DNM1: variants seen among roughly 807,000 people sequenced by gnomAD.
DNM1 encodes dynamin-1.
A neutral mutation model predicts 104.6 loss-of-function variants in DNM1; 29 were observed. That is an observed-to-expected ratio of 0.28 (90% CI 0.21 to 0.38). The LOEUF is 0.38. Ranked by LOEUF, DNM1 falls within the 10% of genes least tolerant of loss-of-function variation. The pLI, the probability that DNM1 is intolerant of heterozygous loss-of-function variation, is 1.00. For synonymous variants in DNM1, 445 were observed against 475.8 expected (o/e 0.94, Z 0.84); for missense variants, 640 against 1,189.4 (o/e 0.54, Z 6.79).
chr9:128,252,493 A>G (rs1829589355), intron 21 of DNM1: 2 of 399,510 alleles, frequency 5.0e-6, no homozygotes, highest in African/African-American at 4.1e-5. Context: ...CAAGAGCTGC[A>G]GTGTGGGCAG....
intron 13 of DNM1, 81 bp from the exon 14 acceptor site, chr9:128,239,904 C>G: frequency 6.3e-7 from 1 of 1,592,742 alleles, no homozygotes; most frequent in Non-Finnish European, 8.6e-7. Context: ...CTGCCAGCCA[C>G]AAGCCTCCCA....
rs1034869470 is a variant in DNM1 at position 128,203,856 on chromosome 9, A to G, written c.161+225A>G. Among the ~76,000 whole-genome samples, 1 of 147,708 alleles carries G rather than the reference A, an allele frequency of 6.8e-6. No homozygotes were observed. The highest frequency in any genetic ancestry group is 2.5e-5 in the African/African-American group (1 of 39,968). On this transcript the variant is annotated intron_variant, in intron 1 of 21. Transcript: ENST00000372923. This position sits in a 1 kb window ranked among gnomAD's most constrained non-coding sequence, Gnocchi z 5.3. Reference sequence around the variant, plus strand: ...TGCAAACGTCGTCAAGCCTCCGGCTACCGAATCACGCCCCCTCCTCCGTCC... The same window carrying G: ...TGCAAACGTCGTCAAGCCTCCGGCTGCCGAATCACGCCCCCTCCTCCGTCC...
Position 128,247,450 on chromosome 9 carries a change from C to T in DNM1, c.1857C>T (p.Ser619=). Residue 619 remains serine, a synonymous_variant, in exon 17 of 22, where the codon TCC becomes TCT. Coordinates refer to ENST00000372923, the MANE Select transcript of DNM1 (RefSeq NM_004408.4). The surrounding 1 kb of genome is among the most constrained non-coding windows in gnomAD (Gnocchi z 5.1). The part of the protein sequence containing the change: ...TQEEVDSWKA[S]FLRAGVYPER... The stretch of plus-strand genomic sequence containing the variant: ...AGGAGGTGGACAGCTGGAAGGCCTC[C>T]TTCCTGAGGGCTGGCGTGTACCCTG... 6.2e-7 allele frequency: 1 copy of T among 1,613,728 alleles called. No homozygotes were observed. Among genetic ancestry groups the T allele is most frequent in the Non-Finnish European group, 8.5e-7 (1 of 1,179,734 alleles).
In DNM1 at chr9:128,245,349, G is replaced by A. The variant is rs914160879; in HGVS notation, c.1672-1045G>A. 6.6e-6 allele frequency among the ~76,000 whole-genome samples: 1 copy of A among 151,952 alleles called. No individual in the cohort carries two copies. On this transcript the variant is annotated intron_variant, in intron 15 of 21. Coordinates refer to ENST00000372923, the MANE Select transcript of DNM1 (RefSeq NM_004408.4). This position sits in a 1 kb window ranked among gnomAD's most constrained non-coding sequence, Gnocchi z 5.2. ...ACCCAGCCCCCCACCTGAGATCCTA[G>A]GCAAGGCTCATGCCCAACCTCTTTG...
At chr9:128,213,539 A>T (rs1316411471) in intron 1 of DNM1, among the ~76,000 whole-genome samples, 2 of 152,160 alleles carry the variant, frequency 1.3e-5, no homozygotes, top group Admixed American at 1.3e-4. Flanking sequence ...AGAAGATAAG[A>T]AATAAGGGAA....
chr9:128,207,248 C>A (rs1310109276), intron 1 of DNM1, among the ~76,000 whole-genome samples: 2 of 152,038 alleles, frequency 1.3e-5, no homozygotes, highest in South Asian at 2.1e-4. Flanking sequence ...TGTCAGCTGG[C>A]AGTTTGGTGA....
intron 1 of DNM1, among the ~76,000 whole-genome samples, chr9:128,208,120 C>T (rs1272952642): frequency 2.0e-5 from 3 of 151,390 alleles, no homozygotes; most frequent in African/African-American, 4.9e-5. Context: ...AATGCAATGG[C>T]GCGATCTCAG....
At position 128,254,414 on chromosome 9, in the gene DNM1, G is replaced by A; in HGVS notation, c.2535-240G>A. The A allele has an allele frequency of 7.0e-7, 1 of 1,430,008 alleles. No homozygotes were observed. The highest frequency in any genetic ancestry group is 9.1e-7 in the Non-Finnish European group (1 of 1,099,186). 88.6% of individuals were successfully genotyped at this position (1,430,008 alleles called of 1,614,324 possible). On this transcript the variant is annotated intron_variant, in intron 21 of 21. Coordinates refer to ENST00000372923, the MANE Select transcript of DNM1 (RefSeq NM_004408.4). The surrounding 1 kb of genome is among the most constrained non-coding windows in gnomAD (Gnocchi z 6.1). ...AGGCCAGCGTGTGTGGGGTGGGGAG[G>A]GCCGCCACAGCCCCCAGGCGCTATC... is the stretch of plus-strand genomic sequence containing the variant.
chr9:128,224,540 A>C lies in DNM1; in HGVS notation c.1335+151A>C. On this transcript the variant is annotated intron_variant, in intron 10 of 21. Transcript: ENST00000372923. This position sits in a 1 kb window ranked among gnomAD's most constrained non-coding sequence, Gnocchi z 4.3. ...GCAGGCCACCACTGAATAGGAGACA[A>C]TGTGCCTCTGAGAGGGCCTCACCCA... 1.5e-6 allele frequency: 1 copy of C among 679,284 alleles called. No homozygotes were observed. Among genetic ancestry groups the C allele is most frequent in the African/African-American group, 1.8e-5 (1 of 55,118 alleles). The allele number at this position is 679,284 out of a possible 1,614,324, so 42.1% of individuals were successfully genotyped here.
chr9:128,239,597 T>C (rs1450860646), intron 12 of DNM1, 82 bp downstream of exon 12: 16 of 1,266,622 alleles, frequency 1.3e-5, no homozygotes, highest in Non-Finnish European at 1.6e-5. Context: ...TGTGTGTGTG[T>C]GTGTGTGTGT....
At position 128,250,759 on chromosome 9, in the gene DNM1, G is replaced by T; in HGVS notation, c.2353G>T (p.Ala785Ser). The T allele has an allele frequency of 1.4e-6, 2 of 1,420,588 alleles. No homozygotes were observed. Among genetic ancestry groups the T allele is most frequent in the Non-Finnish European group, 9.2e-7 (1 of 1,091,542 alleles). 88.0% of individuals were successfully genotyped at this position (1,420,588 alleles called of 1,614,324 possible). ...GTCCAGCCCCACGCCGCAGCGCCGA[G>T]CCCCCGCCGTGCCCCCAGCCCGGCC... ...PTSSPTPQRRAPAVPPARPGS... is the reference protein window; with the variant it reads ...PTSSPTPQRRSPAVPPARPGS... The change falls in exon 21 of 22, where the codon GCC (alanine) becomes TCC (serine). Residue 785 changes from alanine (A) to serine (S), a missense_variant. By Grantham distance (99) the Ala-to-Ser change is moderately conservative. Around this residue, in one of 7 missense-constraint regions of DNM1, gnomAD observed 129 missense variants for 224.6 expected, o/e 0.57. Transcript: ENST00000372923.
At position 128,239,427 on chromosome 9, in the gene DNM1, A is replaced by C; in HGVS notation, c.1423-18A>C. ...TGGTGTCTTTTGCGCTTGCCCACCA[A>C]CCTATGTATCCTTGAAGGTCATGCT... On this transcript the variant is annotated intron_variant, in intron 11 of 21. Transcript: ENST00000372923. 1 of 1,610,944 alleles carries C rather than the reference A, an allele frequency of 6.2e-7. No homozygotes were observed. Among genetic ancestry groups the C allele is most frequent in the South Asian group, 1.1e-5 (1 of 90,932 alleles).
Position 128,239,796 on chromosome 9 carries a change from AC to A in DNM1, c.1545+21del. 1 of 1,611,650 alleles carries A rather than the reference AC, an allele frequency of 6.2e-7. No individual in the cohort carries two copies. The highest frequency in any genetic ancestry group is 8.5e-7 in the Non-Finnish European group (1 of 1,178,388). ...GGGAACCAGGTGAGTGGGGCCCAGC[AC>A]CCCAGCCCGAGGGATGGAGGGTGCC... On this transcript the variant is annotated intron_variant, in intron 13 of 21. Transcript: ENST00000372923.
intron 11 of DNM1, among the ~76,000 whole-genome samples, chr9:128,234,436 C>A (rs1172774878): frequency 6.6e-6 from 1 of 152,242 alleles, no homozygotes; most frequent in Non-Finnish European, 1.5e-5. Flanking sequence ...GATCTCTCAG[C>A]TCACTGCAAC....
At position 128,220,337 on chromosome 9, in the gene DNM1, A is replaced by G. The variant is rs752130871; in HGVS notation, c.845A>G (p.Asn282Ser). 1.2e-5 allele frequency: 19 copies of G among 1,613,566 alleles called. No individual in the cohort carries two copies. Among genetic ancestry groups the G allele is most frequent in the East Asian group, 8.9e-5 (4 of 44,888 alleles). The change falls in exon 6 of 22, where the codon AAT becomes AGT. Residue 282 changes from asparagine (N) to serine (S), a missense_variant. Coordinates refer to ENST00000372923, the MANE Select transcript of DNM1 (RefSeq NM_004408.4). The surrounding 1 kb of genome is among the most constrained non-coding windows in gnomAD (Gnocchi z 5.2). ...MGTPYLQKVL[N>S]QQLTNHIRDT... ...ACGCCCTACCTGCAGAAGGTCCTCAATCAGGTAGGCGACCAAGCCAGGATG... is the reference window on the plus strand; with the variant it reads ...ACGCCCTACCTGCAGAAGGTCCTCAGTCAGGTAGGCGACCAAGCCAGGATG...
chr9:128,253,013 C>A lies in DNM1; in HGVS notation c.2535-1641C>A. The A allele has an allele frequency of 7.5e-7, 1 of 1,336,020 alleles. No individual in the cohort carries two copies. The allele number at this position is 1,336,020 out of a possible 1,614,324, so 82.8% of individuals were successfully genotyped here. On this transcript the variant is annotated intron_variant, in intron 21 of 21. Coordinates refer to ENST00000372923, the MANE Select transcript of DNM1 (RefSeq NM_004408.4). This position sits in a 1 kb window ranked among gnomAD's most constrained non-coding sequence, Gnocchi z 5.9. ...GCCTCACAGCATGTGTGTGCACGCCCGGGCGTGTGCGTGTGTGTGTCCCCC... is the reference window on the plus strand; with the variant it reads ...GCCTCACAGCATGTGTGTGCACGCCAGGGCGTGTGCGTGTGTGTGTCCCCC...
rs1321080189 is a variant in DNM1, at chr9:128,222,237, G to A, written c.890G>A (p.Arg297Gln). Residue 297 changes from arginine (R) to glutamine (Q), a missense_variant, in exon 7 of 22, where the codon CGG becomes CAG. Arg to Gln is a conservative substitution (Grantham distance 43). Transcript: ENST00000372923. This position sits in a 1 kb window ranked among gnomAD's most constrained non-coding sequence, Gnocchi z 7.8. ...ATCCGGGACACACTGCCGGGGCTGC[G>A]GAACAAGCTGCAGAGCCAGCTACTG... Reference protein sequence around the residue: ...NHIRDTLPGLRNKLQSQLLSI... With the variant: ...NHIRDTLPGLQNKLQSQLLSI... 10 of 1,613,972 alleles carry A rather than the reference G, an allele frequency of 6.2e-6. No homozygotes were observed. Among genetic ancestry groups the A allele is most frequent in the Middle Eastern group, 1.6e-4 (1 of 6,084 alleles).
chr9:128,227,009 C>CTTTTT (rs369464140), intron 10 of DNM1, among the ~76,000 whole-genome samples: 40 of 101,756 alleles, frequency 3.9e-4, no homozygotes, highest in African/African-American at 5.6e-4. Context: ...ATCTCCATTC[C>CTTTTT]TTTTTTTTTT....
chr9:128,217,195 A>G (rs1834661690), intron 1 of DNM1, among the ~76,000 whole-genome samples: 1 of 152,198 alleles, frequency 6.6e-6, no homozygotes, highest in Non-Finnish European at 1.5e-5. Context: ...CTCGGTTCAC[A>G]GGGGGCTGAA....
Sources: gnomAD v4.1 joint callset for allele counts (sites outside exome capture counted in the v4.1 genomes callset) on GRCh38, gnomAD v4.1.1 for gene constraint, gnomAD v4.1.1 regional missense constraint, Gnocchi (gnomAD v3.1) non-coding constraint, MANE v1.5 for transcripts, NCBI Gene and HGNC (gene_info 2026-07-23, HGNC 2026-07-21) for gene names.